The following C2orf76 variants were observed in gnomAD, a reference collection of about 807,000 sequenced individuals.
The protein encoded by C2orf76 is chromosome 2 open reading frame 76.
Under a neutral mutation model 16.9 loss-of-function variants are expected in C2orf76, and 23 were observed. That is an observed-to-expected ratio of 1.36 (90% CI 0.98 to 1.93). The LOEUF is 1.93. C2orf76 is among the 30% of genes most tolerant of loss of function. C2orf76 has a pLI of 0.00. For synonymous variants in C2orf76, 48 were observed against 52.3 expected (o/e 0.92, Z 0.35); for missense variants, 152 against 152.6 (o/e 1.00, Z 0.02).
intron 4 of C2orf76, 31 bp downstream of exon 4, chr2:119,317,435 A>T: frequency 6.6e-7 from 1 of 1,508,298 alleles, no homozygotes; most frequent in Non-Finnish European, 9.0e-7. Context: ...ATTACTTGCT[A>T]TGTGCCAGAT....
chr2:119,348,046 C>CAAAAAAA (rs1205382710), intron 1 of C2orf76, among the ~76,000 whole-genome samples: 2 of 81,984 alleles, frequency 2.4e-5, no homozygotes, highest in African/African-American at 4.7e-5. Context: ...GGCTCTGTCT[C>CAAAAAAA]AAAAAAAAAA....
chr2:119,317,673 T>A (rs947906281), intron 3 of C2orf76, among the ~76,000 whole-genome samples, 170 bp from the exon 4 acceptor site: 5 of 152,178 alleles, frequency 3.3e-5, no homozygotes, highest in Non-Finnish European at 7.4e-5. Context: ...CTTCTGTAGA[T>A]CATTAAAACT....
In C2orf76 at chr2:119,351,266, T is replaced by C. The variant is rs192536511; in HGVS notation, c.-12-11295A>G. On this transcript the variant is annotated intron_variant, in intron 1 of 5. Transcript: ENST00000334816. ...CCTGAACAAAGCTTATCTAACACAA[T>C]ATTTAATATTTTCTCCATAAGGCAC... Among the ~76,000 whole-genome samples, 32 of 152,290 alleles carry C rather than the reference T, an allele frequency of 2.1e-4. 1 individual carries two copies. The highest frequency in any genetic ancestry group is 2.0e-3 in the Admixed American group (30 of 15,292).
chr2:119,352,231 A>G (rs1680429982), intron 1 of C2orf76, among the ~76,000 whole-genome samples: 1 of 152,220 alleles, frequency 6.6e-6, no homozygotes. Flanking sequence ...AAACCAAAAT[A>G]TTTTATAAAG....
the C2orf76 span, among the ~76,000 whole-genome samples, chr2:119,293,050 AAAAC>A: frequency 6.6e-6 from 1 of 152,210 alleles, no homozygotes; most frequent in African/African-American, 2.4e-5. Context: ...AAAACAAAAC[AAAAC>A]AAACAAACGA....
intron 1 of C2orf76, among the ~76,000 whole-genome samples, chr2:119,365,367 G>A (rs1226743579): frequency 1.3e-5 from 2 of 152,218 alleles, no homozygotes; most frequent in African/African-American, 4.8e-5. Context: ...TTACACTTCA[G>A]TGTACTTTCC....
chr2:119,297,971 T>C (rs1434844991), downstream of C2orf76, among the ~76,000 whole-genome samples: 1 of 151,972 alleles, frequency 6.6e-6, no homozygotes, highest in East Asian at 1.9e-4. Flanking sequence ...TTTGGTTTTG[T>C]TTTTACTAAT....
chr2:119,356,756 C>A (rs879792186), intron 1 of C2orf76, among the ~76,000 whole-genome samples: 2 of 150,356 alleles, frequency 1.3e-5, no homozygotes, highest in African/African-American at 2.4e-5. Flanking sequence ...TGAGCAAGAC[C>A]AGCTAGGGAA....
chr2:119,352,805 T>G (rs6706390), intron 1 of C2orf76, among the ~76,000 whole-genome samples: 28,265 of 152,116 alleles, frequency 0.19, 2,850 homozygotes, highest in East Asian at 0.22. Flanking sequence ...GTTATATATA[T>G]AGAGAGAGTG....
the C2orf76 span, among the ~76,000 whole-genome samples, chr2:119,294,988 T>C: frequency 6.6e-6 from 1 of 151,752 alleles, no homozygotes; most frequent in Non-Finnish European, 1.5e-5. Context: ...TGAAGAGCCT[T>C]GGAGGGGGCA....
intron 1 of C2orf76, among the ~76,000 whole-genome samples, chr2:119,366,202 G>A (rs1193040254): frequency 2.0e-5 from 3 of 152,246 alleles, no homozygotes; most frequent in East Asian, 3.9e-4. Flanking sequence ...CACCCGCTTT[G>A]TTCACTGCTG....
rs556946413 is a variant in C2orf76, at chr2:119,308,703, C to A, written c.304+2919G>T. Among the ~76,000 whole-genome samples the A allele has an allele frequency of 5.1e-4, 77 of 152,266 alleles. 1 individual carries two copies. The highest frequency in any genetic ancestry group is 2.5e-3 in the Admixed American group (39 of 15,296). ...TGGTATCACACAGTATGTTCTATTT[C>A]TATTCAATAAATCAAGCTCTACATC... On this transcript the variant is annotated intron_variant, in intron 5 of 5. Transcript: ENST00000334816.
chr2:119,298,195 C>G (rs1046525992), downstream of C2orf76, among the ~76,000 whole-genome samples: 2 of 152,300 alleles, frequency 1.3e-5, no homozygotes, highest in African/African-American at 2.4e-5. Flanking sequence ...CTTCTCTACC[C>G]CAAGGTCACA....
intron 2 of C2orf76, among the ~76,000 whole-genome samples, chr2:119,329,539 G>T (rs1470172794): frequency 6.6e-6 from 1 of 152,028 alleles, no homozygotes; most frequent in African/African-American, 2.4e-5. Context: ...TTTTAAATTT[G>T]TTCTCTATTT....
the C2orf76 span, among the ~76,000 whole-genome samples, chr2:119,293,980 C>T: frequency 0.021 from 3,169 of 152,194 alleles, 77 homozygotes; most frequent in East Asian, 0.13. Context: ...GCAGGGACTC[C>T]AGCGGGCAGC....
chr2:119,342,094 A>G (rs977792341), intron 1 of C2orf76, among the ~76,000 whole-genome samples: 1 of 152,214 alleles, frequency 6.6e-6, no homozygotes, highest in Non-Finnish European at 1.5e-5. Flanking sequence ...CAAAAACTGG[A>G]AACAACTGTC....
chr2:119,288,217 C>T, the C2orf76 span, among the ~76,000 whole-genome samples: 13 of 147,962 alleles, frequency 8.8e-5, no homozygotes, highest in South Asian at 4.4e-4. Flanking sequence ...AGTGCAGTGA[C>T]GCCATCTCGG....
At chr2:119,333,362 C>T (rs1368099477) in intron 2 of C2orf76, among the ~76,000 whole-genome samples, 1 of 152,116 alleles carries the variant, frequency 6.6e-6, no homozygotes, top group Non-Finnish European at 1.5e-5. Flanking sequence ...CCATAAGAAA[C>T]AAGATATGTA....
the C2orf76 span, among the ~76,000 whole-genome samples, chr2:119,291,192 G>A: frequency 4.6e-5 from 7 of 151,980 alleles, no homozygotes; most frequent in Non-Finnish European, 5.9e-5. Context: ...GAAGCTGCTC[G>A]GCAAGATGTA....
Sources: gnomAD v4.1 joint callset for allele counts (sites outside exome capture counted in the v4.1 genomes callset) on GRCh38, gnomAD v4.1.1 for gene constraint, MANE v1.5 for transcripts, NCBI Gene and HGNC (gene_info 2026-07-23, HGNC 2026-07-21) for gene names.